DNAH11: variants seen among roughly 807,000 people sequenced by gnomAD.
The protein encoded by DNAH11 is dynein axonemal heavy chain 11.
In DNAH11, 442 loss-of-function variants were observed where a neutral mutation model predicts 526.0. The observed-to-expected ratio is 0.84, with a 90% CI of 0.78 to 0.91. The LOEUF (loss-of-function observed/expected upper bound fraction) is 0.91, where lower values mean the gene tolerates loss of function less well. Ranked by LOEUF, DNAH11 falls within the 40% of genes least tolerant of loss-of-function variation. The pLI, the probability that DNAH11 is intolerant of heterozygous loss-of-function variation, is 0.00. For missense variants in DNAH11, 6,989 were observed against 5,448.7 expected, an observed-to-expected ratio of 1.28 and a Z score of -8.90; for synonymous variants, 2,461 against 1,935.9, an observed-to-expected ratio of 1.27 and a Z score of -7.12.
chr7:21,555,513 G>A (rs1783181760), intron 2 of DNAH11, among the ~76,000 whole-genome samples: 1 of 152,206 alleles, frequency 6.6e-6, no homozygotes. Flanking sequence ...CAATTGCTTT[G>A]CCTGTCTCTG....
At chr7:21,755,632 A>G (rs1243766819) in intron 54 of DNAH11, among the ~76,000 whole-genome samples, 2 of 152,290 alleles carry the variant, frequency 1.3e-5, no homozygotes, top group Admixed American at 1.3e-4. Flanking sequence ...GTCTGGAGAT[A>G]ACATATTGGT....
At chr7:21,711,964 AC>A in intron 42 of DNAH11, 104 bp downstream of exon 42, 1 of 1,307,756 alleles carries the variant, frequency 7.6e-7, no homozygotes, top group Non-Finnish European at 1.1e-6. Context: ...CACAGCTGTC[AC>A]CACCATCCAT....
chr7:21,615,278 A>G lies in DNAH11; in HGVS notation c.4011+6A>G, dbSNP rs764049716. 2 of 1,608,294 alleles carry G rather than the reference A, an allele frequency of 1.2e-6. No individual in the cohort carries two copies. Among genetic ancestry groups the G allele is most frequent in the Middle Eastern group, 1.7e-4 (1 of 6,036 alleles). On this transcript the variant is annotated splice_donor_region_variant and intron_variant, in intron 21 of 81. Transcript: ENST00000409508. ...ATGTCATTATTTATGTTCGAGTAAG[A>G]TGTGCTTTTTCAAAACATGCTTTTT...
At chr7:21,555,777 G>A (rs1783194823) in intron 2 of DNAH11, among the ~76,000 whole-genome samples, 2 of 152,146 alleles carry the variant, frequency 1.3e-5, no homozygotes, top group South Asian at 4.1e-4. Flanking sequence ...GCCTCTGCAG[G>A]GATCCAGGAC....
chr7:21,584,275 G>A (rs1020261781), intron 9 of DNAH11, among the ~76,000 whole-genome samples: 12 of 152,174 alleles, frequency 7.9e-5, no homozygotes, highest in Admixed American at 5.2e-4. Context: ...CATGTCCTTT[G>A]CAGGGACATG....
At chr7:21,594,012 A>G (rs975675973) in intron 14 of DNAH11, among the ~76,000 whole-genome samples, 1 of 150,794 alleles carries the variant, frequency 6.6e-6, no homozygotes, top group African/African-American at 2.4e-5. Flanking sequence ...CATATCACAC[A>G]CACACTCACA....
intron 54 of DNAH11, among the ~76,000 whole-genome samples, chr7:21,752,105 G>C (rs972800286): frequency 1.3e-5 from 2 of 152,196 alleles, no homozygotes; most frequent in Non-Finnish European, 2.9e-5. Context: ...TCTTAACAAG[G>C]CCTCCAAGTG....
At chr7:21,684,015 G>A (rs1583591682) in intron 32 of DNAH11, 71 bp downstream of exon 32, 15 of 1,503,700 alleles carry the variant, frequency 1.0e-5, no homozygotes, top group Non-Finnish European at 1.4e-5. Context: ...AGAATGAAAA[G>A]GAAGGAATGA....
chr7:21,889,962 T>C (rs1408238198), intron 76 of DNAH11, among the ~76,000 whole-genome samples: 1 of 152,214 alleles, frequency 6.6e-6, no homozygotes, highest in African/African-American at 2.4e-5. Context: ...AGTCTATGTA[T>C]GGAGGACATT....
At chr7:21,561,007 A>C (rs1294421829) in intron 4 of DNAH11, 64 bp from the exon 5 acceptor site, 6 of 1,072,424 alleles carry the variant, frequency 5.6e-6, no homozygotes, top group Non-Finnish European at 5.5e-6. Context: ...TTTATTACAG[A>C]ATGCATGTAT....
At chr7:21,630,580 C>T (rs1786557404) in intron 25 of DNAH11, among the ~76,000 whole-genome samples, 2 of 152,150 alleles carry the variant, frequency 1.3e-5, no homozygotes, top group African/African-American at 2.4e-5. Flanking sequence ...TATAAGTTTG[C>T]TGGACACAGT....
intron 9 of DNAH11, among the ~76,000 whole-genome samples, chr7:21,582,392 A>G (rs1784342626): frequency 6.6e-6 from 1 of 152,202 alleles, no homozygotes; most frequent in South Asian, 2.1e-4. Context: ...TGTTAGGTTC[A>G]TCTGCCTATT....
intron 49 of DNAH11, among the ~76,000 whole-genome samples, chr7:21,742,469 AC>A (rs1219978589): frequency 6.6e-6 from 1 of 152,082 alleles, no homozygotes; most frequent in Non-Finnish European, 1.5e-5. Flanking sequence ...CTTTTAAACA[AC>A]CAGATCTTGC....
chr7:21,722,721 A>G (rs1385331840), intron 44 of DNAH11, among the ~76,000 whole-genome samples: 4 of 152,138 alleles, frequency 2.6e-5, no homozygotes, highest in Non-Finnish European at 5.9e-5. Context: ...CAGGGACTTC[A>G]TGTGGCTTTC....
In DNAH11 at chr7:21,866,518, G is replaced by C; in HGVS notation, c.11545G>C (p.Gly3849Arg). The C allele has an allele frequency of 1.9e-6, 3 of 1,613,652 alleles. No individual in the cohort carries two copies. Among genetic ancestry groups the C allele is most frequent in the Non-Finnish European group, 2.5e-6 (3 of 1,179,782 alleles). ...TCGAGGCATAGACCGAGATGTGGAA[G>C]GATCTGCCAAGCAGTGGAGGAAGTG... Reference protein sequence around the residue: ...EFRGIDRDVEGSAKQWRKWVE... With the variant: ...EFRGIDRDVERSAKQWRKWVE... Residue 3849 changes from glycine (G) to arginine (R), a missense_variant, in exon 71 of 82, where the codon GGA (glycine) becomes CGA (arginine). Gly to Arg is a moderately radical substitution (Grantham distance 125). Transcript: ENST00000409508.
At chr7:21,566,372 T>C (rs975204061) in intron 6 of DNAH11, among the ~76,000 whole-genome samples, 2 of 152,218 alleles carry the variant, frequency 1.3e-5, no homozygotes, top group South Asian at 2.1e-4. Flanking sequence ...GTGGTAAATA[T>C]GCCCAACATG....
chr7:21,838,113 A>G (rs1347751228), intron 65 of DNAH11, among the ~76,000 whole-genome samples: 3 of 152,240 alleles, frequency 2.0e-5, no homozygotes, highest in Admixed American at 1.3e-4. Context: ...AATCCTTGGA[A>G]AGAGGAAACT....
At chr7:21,656,089 G>A (rs568662870) in intron 29 of DNAH11, 108 bp downstream of exon 29, 2 of 1,285,130 alleles carry the variant, frequency 1.6e-6, no homozygotes, top group South Asian at 1.9e-5. Context: ...ATCAGGCTCT[G>A]CTTAGTTTTG....
At chr7:21,549,041 C>A (rs1782916353) in intron 2 of DNAH11, among the ~76,000 whole-genome samples, 1 of 152,096 alleles carries the variant, frequency 6.6e-6, no homozygotes, top group Non-Finnish European at 1.5e-5. Context: ...CTGTGCCTGT[C>A]TAATTTTTTG....
Sources: allele counts gnomAD v4.1 joint callset (sites outside exome capture counted in the v4.1 genomes callset), GRCh38; gene constraint gnomAD v4.1.1; transcripts MANE v1.5; gene names NCBI Gene and HGNC (gene_info 2026-07-23, HGNC 2026-07-21).